Variants in CTNNA2 observed in about 807,000 individuals in gnomAD.
The protein encoded by CTNNA2 is catenin alpha 2.
CTNNA2 carries 42 observed loss-of-function variants against 101.0 expected under a neutral mutation model. That is an observed-to-expected ratio of 0.42 (90% CI 0.32 to 0.54). The LOEUF (loss-of-function observed/expected upper bound fraction) is 0.54, where lower values mean the gene tolerates loss of function less well. CTNNA2 is among the 20% of genes least tolerant of loss of function. The pLI, the probability that CTNNA2 is intolerant of heterozygous loss-of-function variation, is 0.14. For missense variants in CTNNA2, 871 were observed against 1,223.1 expected, an observed-to-expected ratio of 0.71 and a Z score of 4.29; for synonymous variants, 450 against 456.4, an observed-to-expected ratio of 0.99 and a Z score of 0.18.
chr2:79,945,799 C>T (rs1170542231), intron 7 of CTNNA2, among the ~76,000 whole-genome samples: 1 of 152,134 alleles, frequency 6.6e-6, no homozygotes. Flanking sequence ...ATTATGTCCT[C>T]ATAAAGTACG....
chr2:79,874,470 A>T (rs1038797229), intron 6 of CTNNA2, 128 bp downstream of exon 6: 17 of 1,112,454 alleles, frequency 1.5e-5, no homozygotes, highest in South Asian at 9.5e-5. Context: ...TTTAATAGTA[A>T]GATAAACTAC....
intron 12 of CTNNA2, chr2:80,572,819 A>G (rs1344822112): frequency 6.7e-6 from 1 of 148,690 alleles, no homozygotes; most frequent in Admixed American, 6.6e-5. Context: ...AATTATAGTA[A>G]TTCATCCATA....
At chr2:79,784,431 C>T (rs1042282762) in intron 3 of CTNNA2, among the ~76,000 whole-genome samples, 1 of 150,892 alleles carries the variant, frequency 6.6e-6, no homozygotes, top group Non-Finnish European at 1.5e-5. Context: ...GCATTTGAAC[C>T]TTTGCCTGTA....
intron 9 of CTNNA2, among the ~76,000 whole-genome samples, chr2:80,539,412 CAA>C (rs70940083): frequency 5.7e-5 from 7 of 123,376 alleles, no homozygotes; most frequent in Admixed American, 8.5e-5. Flanking sequence ...CCAGAAGAGC[CAA>C]AAAAAAAAAA....
intron 7 of CTNNA2, among the ~76,000 whole-genome samples, chr2:80,285,110 C>G (rs1240136586): frequency 6.6e-6 from 1 of 152,112 alleles, no homozygotes; most frequent in African/African-American, 2.4e-5. Flanking sequence ...GTCCGTCCAG[C>G]TGGTCAGCCA....
chr2:79,478,517 A>G (rs1056917659), intron 4 of CTNNA2, among the ~76,000 whole-genome samples: 5 of 152,198 alleles, frequency 3.3e-5, no homozygotes, highest in African/African-American at 1.2e-4. Context: ...TTAAGCTATG[A>G]TGGGAATGAG....
At chr2:80,492,741 A>G (rs1045464920) in intron 9 of CTNNA2, among the ~76,000 whole-genome samples, 3 of 152,170 alleles carry the variant, frequency 2.0e-5, no homozygotes, top group African/African-American at 7.2e-5. Flanking sequence ...GACTGGGCAC[A>G]TGCTGTTTCC....
At chr2:80,334,588 A>G (rs942624794) in intron 7 of CTNNA2, among the ~76,000 whole-genome samples, 4 of 151,934 alleles carry the variant, frequency 2.6e-5, no homozygotes, top group African/African-American at 9.7e-5. Flanking sequence ...CATTTCTCAG[A>G]CATCCCACAC....
chr2:80,438,485 G>A (rs1682251738), intron 9 of CTNNA2, among the ~76,000 whole-genome samples: 1 of 151,028 alleles, frequency 6.6e-6, no homozygotes, highest in South Asian at 2.1e-4. Flanking sequence ...CATTTGTTTT[G>A]AAGGCTTTAC....
At chr2:80,529,023 G>A (rs2149590423) in intron 9 of CTNNA2, among the ~76,000 whole-genome samples, 1 of 152,304 alleles carries the variant, frequency 6.6e-6, no homozygotes, top group South Asian at 2.1e-4. Context: ...AAAGGAACTT[G>A]GGAAATACGA....
At chr2:79,987,019 A>G (rs918272246) in intron 7 of CTNNA2, among the ~76,000 whole-genome samples, 1 of 152,148 alleles carries the variant, frequency 6.6e-6, no homozygotes, top group Non-Finnish European at 1.5e-5. Flanking sequence ...GGGCCTGTGG[A>G]TGCTTTTCTT....
At chr2:79,449,095 G>C (rs1678862347) in intron 4 of CTNNA2, among the ~76,000 whole-genome samples, 1 of 151,952 alleles carries the variant, frequency 6.6e-6, no homozygotes, top group Non-Finnish European at 1.5e-5. Context: ...TTTTAAGAAA[G>C]GGATTCTGTC....
chr2:79,249,854 C>CA (rs1322362337), intron 2 of CTNNA2, among the ~76,000 whole-genome samples: 1 of 152,136 alleles, frequency 6.6e-6, no homozygotes, highest in Non-Finnish European at 1.5e-5. Flanking sequence ...AGTATGGGTC[C>CA]CTGCTACCCC....
chr2:80,243,789 T>C (rs1408190203), intron 7 of CTNNA2, among the ~76,000 whole-genome samples: 1 of 152,238 alleles, frequency 6.6e-6, no homozygotes, highest in Non-Finnish European at 1.5e-5. Flanking sequence ...GTAGAATAGC[T>C]ACTCTTGGGT....
chr2:79,717,991 A>G (rs937915544), intron 2 of CTNNA2, among the ~76,000 whole-genome samples: 1 of 152,042 alleles, frequency 6.6e-6, no homozygotes, highest in Non-Finnish European at 1.5e-5. Context: ...TAGCTCTCCC[A>G]GGACTGAGAT....
chr2:80,217,452 A>G (rs1708337715), intron 7 of CTNNA2, among the ~76,000 whole-genome samples: 1 of 151,994 alleles, frequency 6.6e-6, no homozygotes, highest in Admixed American at 6.6e-5. Context: ...GTTACCTTTA[A>G]AATGGGCCTA....
intron 8 of CTNNA2, among the ~76,000 whole-genome samples, chr2:80,406,826 C>CAAAAAAAAAAAAAAAAAAAAAA (rs56793591): frequency 1.6e-5 from 1 of 63,982 alleles, no homozygotes; most frequent in African/African-American, 4.2e-5. Context: ...GACTCCATCT[C>CAAAAAAAAAAAAAAAAAAAAAA]AAAAAAAAAA....
intron 9 of CTNNA2, among the ~76,000 whole-genome samples, chr2:80,445,293 C>A (rs1682975431): frequency 6.6e-6 from 1 of 151,964 alleles, no homozygotes; most frequent in Non-Finnish European, 1.5e-5. Flanking sequence ...GCGATTTTCC[C>A]ACCTCAGCCT....
At position 80,355,144 on chromosome 2, in the gene CTNNA2, G is replaced by C. The variant is rs531941263; in HGVS notation, c.1057-38067G>C. Among the ~76,000 whole-genome samples, 14 of 152,186 alleles carry C rather than the reference G, an allele frequency of 9.2e-5. No individual in the cohort carries two copies. In the South Asian group the frequency reaches 2.9e-3, roughly 32 times the overall value. On this transcript the variant is annotated intron_variant, in intron 7 of 18. Coordinates refer to ENST00000402739, the MANE Select transcript of CTNNA2 (RefSeq NM_001282597.3). ...CTTCTTCCTAATTGTAGCAGACATC[G>C]CTATATGCCTACCACATATCCATTC...
Sources: gnomAD v4.1 joint callset for allele counts (sites outside exome capture counted in the v4.1 genomes callset) on GRCh38, gnomAD v4.1.1 for gene constraint, MANE v1.5 for transcripts, NCBI Gene and HGNC (gene_info 2026-07-23, HGNC 2026-07-21) for gene names.